The following ADGRL2 variants were observed in gnomAD, a reference collection of about 807,000 sequenced individuals.
The protein encoded by ADGRL2 is calcium-independent alpha-latrotoxin receptor 2.
A neutral mutation model predicts 157.4 loss-of-function variants in ADGRL2; 44 were observed. The observed-to-expected ratio is 0.28, with a 90% CI of 0.22 to 0.36. The LOEUF is 0.36. Ranked by LOEUF, ADGRL2 falls within the 10% of genes least tolerant of loss-of-function variation. ADGRL2 has a pLI of 1.00. For missense variants in ADGRL2, 1,510 were observed against 1,768.9 expected (o/e 0.85, Z 2.63); for synonymous variants, 585 against 624.7 (o/e 0.94, Z 0.95).
At chr1:81,724,411 C>T (rs1333245537) in intron 1 of ADGRL2, among the ~76,000 whole-genome samples, 4 of 151,908 alleles carry the variant, frequency 2.6e-5, no homozygotes, top group African/African-American at 9.7e-5. Flanking sequence ...TTTTTTGATC[C>T]AATGTGAATT....
At position 81,460,264 on chromosome 1, in the gene ADGRL2, A is replaced by C. The variant is rs986713835; in HGVS notation, c.-248+15175A>C. On this transcript the variant is annotated intron_variant, in intron 2 of 24. Transcript: ENST00000370721. ...ATTTTTATATTAATGATTTATATTA[A>C]TTATATAACACTATATATATAGTGT... 2.6e-5 allele frequency among the ~76,000 whole-genome samples: 4 copies of C among 151,484 alleles called. No homozygotes were observed. In the South Asian group the frequency reaches 8.3e-4, roughly 31 times the overall value.
At chr1:81,634,205 A>C (rs2082069570) in intron 3 of ADGRL2, among the ~76,000 whole-genome samples, 1 of 152,180 alleles carries the variant, frequency 6.6e-6, no homozygotes, top group South Asian at 2.1e-4. Flanking sequence ...GATGAGGACT[A>C]ATATTAACCA....
At chr1:81,780,857 T>TCC (rs113345752) in intron 2 of ADGRL2, among the ~76,000 whole-genome samples, 8,471 of 152,122 alleles carry the variant, frequency 0.056, 301 homozygotes, top group African/African-American at 0.093. Flanking sequence ...GCAGGCTATG[T>TCC]CCCCCCACAG....
chr1:81,652,024 C>G (rs1262634395), intron 3 of ADGRL2, among the ~76,000 whole-genome samples: 2 of 152,098 alleles, frequency 1.3e-5, no homozygotes, highest in Admixed American at 6.6e-5. Context: ...AGATTTTCAT[C>G]TCAGTAGTTA....
chr1:81,349,631 T>TACACACAC (rs36213279), intron 1 of ADGRL2, among the ~76,000 whole-genome samples: 1 of 142,746 alleles, frequency 7.0e-6, no homozygotes, highest in East Asian at 2.2e-4. Flanking sequence ...TGTTGTGAGC[T>TACACACAC]ACACACACAC....
chr1:81,448,900 A>G (rs1048183056), intron 2 of ADGRL2, among the ~76,000 whole-genome samples: 2 of 152,172 alleles, frequency 1.3e-5, no homozygotes, highest in Admixed American at 1.3e-4. Context: ...CTTTTCCACA[A>G]CAAAGAAATA....
intron 1 of ADGRL2, among the ~76,000 whole-genome samples, chr1:81,417,736 G>A (rs536486090): frequency 1.5e-4 from 23 of 152,196 alleles, no homozygotes; most frequent in African/African-American, 5.3e-4. Flanking sequence ...TTCTAAGGTT[G>A]GTAGGTCATT....
At chr1:81,844,537 T>C (rs1264402591) in intron 2 of ADGRL2, among the ~76,000 whole-genome samples, 1 of 152,212 alleles carries the variant, frequency 6.6e-6, no homozygotes, top group Non-Finnish European at 1.5e-5. Context: ...GGGAGTGTCT[T>C]ACTAAAACTT....
At chr1:81,404,359 TTG>T (rs1401818317) in intron 1 of ADGRL2, among the ~76,000 whole-genome samples, 1 of 152,212 alleles carries the variant, frequency 6.6e-6, no homozygotes, top group Non-Finnish European at 1.5e-5. Context: ...CAGTAAGCCT[TTG>T]TATAGCGTTT....
chr1:81,394,201 T>C (rs973821047), intron 1 of ADGRL2, among the ~76,000 whole-genome samples: 5 of 152,200 alleles, frequency 3.3e-5, no homozygotes, highest in African/African-American at 1.2e-4. Context: ...TTATTTATTA[T>C]AGATTCTGAC....
At chr1:81,810,415 CT>C (rs527511446) in intron 1 of ADGRL2, among the ~76,000 whole-genome samples, 19 of 1,454 alleles carry the variant, frequency 0.013, no homozygotes, top group Middle Eastern at 0.5. Flanking sequence ...CTTTATTAAA[CT>C]GGTTACCATC....
At chr1:81,803,226 C>CT (rs1176318289) in intron 1 of ADGRL2, among the ~76,000 whole-genome samples, 3 of 151,994 alleles carry the variant, frequency 2.0e-5, no homozygotes, top group Non-Finnish European at 4.4e-5. Flanking sequence ...GCGTGGGCTC[C>CT]TTGATTGGCT....
intron 2 of ADGRL2, chr1:81,501,706 G>A: frequency 1.3e-6 from 2 of 1,598,952 alleles, no homozygotes; most frequent in South Asian, 1.1e-5. Flanking sequence ...TAGACCCAGT[G>A]TGCCTGGTGG....
At chr1:81,324,936 CGA>C (rs1660792050) in intron 1 of ADGRL2, among the ~76,000 whole-genome samples, 1 of 151,932 alleles carries the variant, frequency 6.6e-6, no homozygotes, top group Non-Finnish European at 1.5e-5. Flanking sequence ...AGGCTGGTCT[CGA>C]ACTCCTGGCC....
chr1:81,837,532 ATG>A (rs140366130), intron 2 of ADGRL2, among the ~76,000 whole-genome samples: 7,367 of 151,924 alleles, frequency 0.048, 235 homozygotes, highest in South Asian at 0.082. Flanking sequence ...TTAGCTGTAT[ATG>A]TGTGTGTATA....
intron 3 of ADGRL2, among the ~76,000 whole-genome samples, chr1:81,687,208 ACTGCTGTCTTGATGAC>A (rs2083246897): frequency 6.6e-6 from 1 of 152,022 alleles, no homozygotes; most frequent in African/African-American, 2.4e-5. Flanking sequence ...GTCTTGATGA[ACTGCTGTCTTGATGAC>A]CTGTCTAGTG....
chr1:81,316,217 C>G (rs543883723), intron 1 of ADGRL2, among the ~76,000 whole-genome samples: 27 of 151,758 alleles, frequency 1.8e-4, no homozygotes, highest in African/African-American at 6.3e-4. Flanking sequence ...GAAAATCAAA[C>G]ACTTTTAAAG....
intron 1 of ADGRL2, chr1:81,426,831 G>T: frequency 1.9e-6 from 1 of 538,272 alleles, no homozygotes; most frequent in Non-Finnish European, 3.5e-6. Context: ...TACCAGTGAA[G>T]AAAAATTTCC....
chr1:81,637,519 T>C (rs1164540526), intron 3 of ADGRL2, among the ~76,000 whole-genome samples: 2 of 152,184 alleles, frequency 1.3e-5, no homozygotes, highest in African/African-American at 4.8e-5. Context: ...GAAAAGGATT[T>C]CTAGATTTCT....
Sources: allele counts gnomAD v4.1 joint callset (sites outside exome capture counted in the v4.1 genomes callset), GRCh38; gene constraint gnomAD v4.1.1; transcripts MANE v1.5; gene names NCBI Gene and HGNC (gene_info 2026-07-23, HGNC 2026-07-21).